Variants in DOCK3 observed in about 807,000 individuals in gnomAD.
DOCK3 encodes dedicator of cytokinesis protein 3.
DOCK3 carries 60 observed loss-of-function variants against 265.6 expected under a neutral mutation model. The observed-to-expected ratio is 0.23, with a 90% CI of 0.18 to 0.28. The LOEUF is 0.28. Ranked by LOEUF, DOCK3 falls within the 10% of genes least tolerant of loss-of-function variation. The pLI, the probability that DOCK3 is intolerant of heterozygous loss-of-function variation, is 1.00. For synonymous variants in DOCK3, 881 were observed against 938.0 expected (o/e 0.94, Z 1.11); for missense variants, 1,981 against 2,594.3 (o/e 0.76, Z 5.14).
chr3:51,080,736 A>G (rs898000106), intron 7 of DOCK3, among the ~76,000 whole-genome samples: 6 of 152,242 alleles, frequency 3.9e-5, no homozygotes, highest in Admixed American at 6.5e-5. Flanking sequence ...GACTACCAAG[A>G]TTAGTAGTCC....
Position 51,028,528 on chromosome 3 carries a change from C to T in DOCK3, c.316-35920C>T, listed in dbSNP as rs556768906. ...TCAAATACGTTTTCTAAATTGCTTA[C>T]TTTCTGTTTTTTTCTCTCAGAAATG... On this transcript the variant is annotated intron_variant, in intron 5 of 52. Coordinates refer to ENST00000266037, the MANE Select transcript of DOCK3 (RefSeq NM_004947.5). 7.9e-5 allele frequency among the ~76,000 whole-genome samples: 12 copies of T among 152,188 alleles called. No individual in the cohort carries two copies. In the South Asian group the frequency reaches 2.5e-3, roughly 32 times the overall value.
intron 5 of DOCK3, among the ~76,000 whole-genome samples, chr3:51,047,822 TAATC>T (rs1437792021): frequency 6.6e-6 from 1 of 152,074 alleles, no homozygotes; most frequent in Non-Finnish European, 1.5e-5. Context: ...TTTAGAGAAT[TAATC>T]CAATCCTTGT....
chr3:51,239,869 C>G (rs1215356003), intron 21 of DOCK3, among the ~76,000 whole-genome samples: 1 of 151,916 alleles, frequency 6.6e-6, no homozygotes, highest in Non-Finnish European at 1.5e-5. Flanking sequence ...GTCTAGCTAG[C>G]AGTCTATTAA....
intron 38 of DOCK3, among the ~76,000 whole-genome samples, chr3:51,345,417 C>G (rs1040256535): frequency 6.6e-6 from 1 of 152,112 alleles, no homozygotes; most frequent in African/African-American, 2.4e-5. Flanking sequence ...TTGAGACCAG[C>G]CGAGGTAACA....
intron 33 of DOCK3, among the ~76,000 whole-genome samples, chr3:51,331,323 G>A (rs1489466052): frequency 6.6e-6 from 1 of 152,112 alleles, no homozygotes; most frequent in African/African-American, 2.4e-5. Flanking sequence ...CCATACTTTA[G>A]TATTTCTTTT....
intron 6 of DOCK3, among the ~76,000 whole-genome samples, chr3:51,069,026 A>G (rs767903931): frequency 8.1e-4 from 123 of 152,218 alleles, no homozygotes; most frequent in Non-Finnish European, 1.4e-3. Flanking sequence ...ATATTCAGAC[A>G]TTAAACTTAT....
At position 51,270,841 on chromosome 3, in the gene DOCK3, C is replaced by A. The variant is rs1440218077; in HGVS notation, c.2382C>A (p.Thr794=). The part of the protein sequence containing the change: ...TQAALLNSFP[T]IFDELLQMFT... ...CTGCACTCCTCAATTCTTTCCCAAC[C>A]ATCTTTGATGAGCTTCTGCAAATGT... is the stretch of plus-strand genomic sequence containing the variant. Residue 794 remains threonine, a synonymous_variant, in exon 24 of 53, where the codon ACC becomes ACA. Coordinates refer to ENST00000266037, the MANE Select transcript of DOCK3 (RefSeq NM_004947.5). The A allele has an allele frequency of 2.5e-6, 4 of 1,613,748 alleles. No homozygotes were observed. In the East Asian group the frequency reaches 8.9e-5, roughly 36 times the overall value.
chr3:50,929,657 A>T (rs1015168134), intron 4 of DOCK3, among the ~76,000 whole-genome samples: 2 of 152,148 alleles, frequency 1.3e-5, no homozygotes, highest in Admixed American at 6.5e-5. Context: ...TTCTGTTGCT[A>T]CTACGCTGAG....
At chr3:51,074,063 T>G (rs147850748) in intron 6 of DOCK3, among the ~76,000 whole-genome samples, 142 of 152,360 alleles carry the variant, frequency 9.3e-4, no homozygotes, top group African/African-American at 3.3e-3. Context: ...TAGCATGTTC[T>G]AAAATAGTTC....
In DOCK3 at chr3:51,383,801, A is replaced by G. The variant is rs782806590; in HGVS notation, c.*2242A>G. On this transcript the variant is annotated 3_prime_UTR_variant, in exon 53 of 53. Transcript: ENST00000266037. ...CTTTCAAGCTTATTTGTAAATACCTATTTGAATGCTGTGTATTTGTACAGG... is the reference window on the plus strand; with the variant it reads ...CTTTCAAGCTTATTTGTAAATACCTGTTTGAATGCTGTGTATTTGTACAGG... The G allele has an allele frequency of 2.6e-5, 4 of 152,648 alleles. No individual in the cohort carries two copies. Among genetic ancestry groups the G allele is most frequent in the Admixed American group, 2.6e-4 (4 of 15,284 alleles). 9.5% of individuals were successfully genotyped at this position (152,648 alleles called of 1,614,324 possible).
At chr3:51,379,086 G>C (rs1553617546) in intron 51 of DOCK3, among the ~76,000 whole-genome samples, 1 of 152,196 alleles carries the variant, frequency 6.6e-6, no homozygotes, top group Non-Finnish European at 1.5e-5. Context: ...TCTATGTCCT[G>C]TGCTCTCTCT....
At chr3:50,964,467 T>C (rs370048224) in intron 5 of DOCK3, among the ~76,000 whole-genome samples, 102 of 152,040 alleles carry the variant, frequency 6.7e-4, no homozygotes, top group African/African-American at 2.4e-3. Flanking sequence ...GAGGGAAAAA[T>C]TACGTCTGGG....
chr3:51,337,816 C>A (rs767466204), intron 35 of DOCK3, among the ~76,000 whole-genome samples: 1 of 152,312 alleles, frequency 6.6e-6, no homozygotes, highest in South Asian at 2.1e-4. Context: ...CTGGCTGATG[C>A]TTTAAGCACG....
intron 3 of DOCK3, chr3:50,863,511 C>T: frequency 6.0e-6 from 3 of 497,882 alleles, no homozygotes; most frequent in Admixed American, 4.2e-5. Flanking sequence ...TTCCATGAGA[C>T]TCCAGTTTTC....
intron 5 of DOCK3, among the ~76,000 whole-genome samples, chr3:50,954,461 T>C (rs2076676152): frequency 6.6e-6 from 1 of 152,190 alleles, no homozygotes; most frequent in South Asian, 2.1e-4. Flanking sequence ...ATTTGTAATT[T>C]ATCTGAATCT....
chr3:51,078,572 G>A (rs998649372), intron 7 of DOCK3, among the ~76,000 whole-genome samples: 1 of 152,182 alleles, frequency 6.6e-6, no homozygotes, highest in African/African-American at 2.4e-5. Flanking sequence ...AGGATTTGTT[G>A]TAGGAAAAAC....
At chr3:51,011,832 T>C (rs2078964592) in intron 5 of DOCK3, among the ~76,000 whole-genome samples, 1 of 152,212 alleles carries the variant, frequency 6.6e-6, no homozygotes, top group African/African-American at 2.4e-5. Context: ...TTGTTAGTTT[T>C]CCTTCTAACA....
chr3:51,258,480 G>T (rs2079668324), intron 22 of DOCK3, among the ~76,000 whole-genome samples: 1 of 152,030 alleles, frequency 6.6e-6, no homozygotes, highest in African/African-American at 2.4e-5. Flanking sequence ...CATTTTCTGT[G>T]TGACCTAACT....
At chr3:50,856,754 G>C (rs1310689189) in intron 3 of DOCK3, among the ~76,000 whole-genome samples, 1 of 151,928 alleles carries the variant, frequency 6.6e-6, no homozygotes, top group Admixed American at 6.6e-5. Flanking sequence ...GGACATTCTT[G>C]CCTTGTTCCA....
Sources: gnomAD v4.1 joint callset for allele counts (sites outside exome capture counted in the v4.1 genomes callset) on GRCh38, gnomAD v4.1.1 for gene constraint, MANE v1.5 for transcripts, NCBI Gene and HGNC (gene_info 2026-07-23, HGNC 2026-07-21) for gene names.